The following GABRG1 variants were observed in gnomAD, a reference collection of about 807,000 sequenced individuals.
GABRG1 encodes gamma-aminobutyric acid receptor subunit gamma-1.
Under a neutral mutation model 49.8 loss-of-function variants are expected in GABRG1, and 49 were observed. That is an observed-to-expected ratio of 0.98 (90% CI 0.78 to 1.25). The LOEUF (loss-of-function observed/expected upper bound fraction) is 1.25. Among genes scored for constraint, GABRG1 ranks in the 50% most tolerant of loss-of-function variants. GABRG1 has a pLI of 0.00. For missense variants in GABRG1, 552 were observed against 552.3 expected, an observed-to-expected ratio of 1.00 and a Z score of 0.01; for synonymous variants, 232 against 185.1, an observed-to-expected ratio of 1.25 and a Z score of -2.06.
rs185602206 is a variant in GABRG1 at position 46,092,450 on chromosome 4, A to G, written c.253+4751T>C. Among the ~76,000 whole-genome samples, 4 of 152,178 alleles carry G rather than the reference A, an allele frequency of 2.6e-5. No homozygotes were observed. The East Asian group carries it at 7.8e-4, about 30-fold the overall frequency. On this transcript the variant is annotated intron_variant, in intron 2 of 8. Coordinates refer to ENST00000295452, the MANE Select transcript of GABRG1 (RefSeq NM_173536.4). ...CTAAAATTTATAAATGAATATGTGT[A>G]CAATGCAATGATAGAAGGATAAAAT...
chr4:46,062,677 T>C (rs1381550946), intron 5 of GABRG1, among the ~76,000 whole-genome samples: 1 of 152,044 alleles, frequency 6.6e-6, no homozygotes, highest in Admixed American at 6.6e-5. Flanking sequence ...ATGTCTTCTT[T>C]TGAGAAGTGG....
chr4:46,065,338 A>T (rs1369691985), intron 4 of GABRG1, 26 bp downstream of exon 4: 1 of 1,394,482 alleles, frequency 7.2e-7, no homozygotes, highest in Non-Finnish European at 1.0e-6. Flanking sequence ...AATGAGAGCA[A>T]CTACAGATTT....
At chr4:46,049,344 C>A (rs1397734194) in intron 8 of GABRG1, among the ~76,000 whole-genome samples, 1 of 151,828 alleles carries the variant, frequency 6.6e-6, no homozygotes, top group Non-Finnish European at 1.5e-5. Context: ...GTACACTGAA[C>A]CATGCAAGGA....
At chr4:46,079,484 A>C (rs2109419800) in intron 3 of GABRG1, among the ~76,000 whole-genome samples, 1 of 152,032 alleles carries the variant, frequency 6.6e-6, no homozygotes, top group East Asian at 1.9e-4. Context: ...AAATATTTAA[A>C]TTAAGTTCTG....
At chr4:46,071,255 T>G (rs768525418) in intron 3 of GABRG1, among the ~76,000 whole-genome samples, 1 of 151,904 alleles carries the variant, frequency 6.6e-6, no homozygotes, top group Non-Finnish European at 1.5e-5. Context: ...TACCATACAA[T>G]AATTTCTATC....
At chr4:46,096,528 T>C (rs1720168712) in intron 2 of GABRG1, among the ~76,000 whole-genome samples, 1 of 151,746 alleles carries the variant, frequency 6.6e-6, no homozygotes, top group African/African-American at 2.4e-5. Context: ...TTTATTTCTT[T>C]TCCCTATCAC....
intron 2 of GABRG1, among the ~76,000 whole-genome samples, chr4:46,090,014 T>G (rs1719921857): frequency 6.6e-6 from 1 of 151,974 alleles, no homozygotes; most frequent in Admixed American, 6.6e-5. Context: ...CAATGGAAGC[T>G]TAACTGGATG....
At chr4:46,045,774 C>T (rs2109393571) in intron 8 of GABRG1, among the ~76,000 whole-genome samples, 2 of 152,054 alleles carry the variant, frequency 1.3e-5, no homozygotes, top group African/African-American at 4.8e-5. Flanking sequence ...ACCATGTTGG[C>T]CAGGATGGAC....
intron 2 of GABRG1, among the ~76,000 whole-genome samples, chr4:46,095,316 A>AT (rs1720130738): frequency 6.6e-6 from 1 of 151,828 alleles, no homozygotes; most frequent in Non-Finnish European, 1.5e-5. Context: ...AACCACAACA[A>AT]TGTAACAGAA....
intron 7 of GABRG1, among the ~76,000 whole-genome samples, chr4:46,051,872 T>G (rs1018095606): frequency 6.6e-6 from 1 of 151,830 alleles, no homozygotes; most frequent in Non-Finnish European, 1.5e-5. Flanking sequence ...ACTCCTGATA[T>G]CCATTCTTCC....
intron 3 of GABRG1, among the ~76,000 whole-genome samples, chr4:46,072,629 C>T (rs1364695992): frequency 2.6e-5 from 4 of 152,004 alleles, no homozygotes; most frequent in Admixed American, 1.3e-4. Context: ...TATTAAAAAT[C>T]CATTACCTAT....
In GABRG1 at chr4:46,038,249, G is replaced by A. The variant is rs1056994500; in HGVS notation, c.*2739C>T. ...CTTGGGTTTACAAAAATTAATTTAA[G>A]TGAGCCTAATTTTGTCCATGGAATT... On this transcript the variant is annotated 3_prime_UTR_variant, in exon 9 of 9. Coordinates refer to ENST00000295452, the MANE Select transcript of GABRG1 (RefSeq NM_173536.4). The A allele has an allele frequency of 2.0e-5, 3 of 151,374 alleles. No individual in the cohort carries two copies. The highest frequency in any genetic ancestry group is 7.3e-5 in the African/African-American group (3 of 41,312). The allele number at this position is 151,374 out of a possible 1,614,324, so 9.4% of individuals were successfully genotyped here.
chr4:46,041,031 G>A lies in GABRG1; in HGVS notation c.1355C>T (p.Ala452Val), dbSNP rs1384393076. Residue 452 changes from alanine (A) to valine (V), a missense_variant, in exon 9 of 9, where the codon GCC (alanine) becomes GTC (valine). Coordinates refer to ENST00000295452, the MANE Select transcript of GABRG1 (RefSeq NM_173536.4). ...AACCCAATAAACCAAGTTGAACAGGGCAAAAGCGGTTGGGAAAAATATTCT... is the reference window on the plus strand; with the variant it reads ...AACCCAATAAACCAAGTTGAACAGGACAAAAGCGGTTGGGAAAAATATTCT... ...YSRIFFPTAF[A>V]LFNLVYWVGY... is the part of the protein sequence containing the mutation. The A allele has an allele frequency of 5.6e-6, 9 of 1,612,640 alleles. No individual in the cohort carries two copies. Among genetic ancestry groups the A allele is most frequent in the Non-Finnish European group, 7.6e-6 (9 of 1,179,176 alleles).
intron 2 of GABRG1, among the ~76,000 whole-genome samples, chr4:46,088,084 C>T (rs1226595021): frequency 6.6e-6 from 1 of 152,054 alleles, no homozygotes; most frequent in Non-Finnish European, 1.5e-5. Context: ...AACAACATTT[C>T]TATCATTTCA....
intron 3 of GABRG1, among the ~76,000 whole-genome samples, chr4:46,073,079 A>T (rs914066481): frequency 6.6e-6 from 1 of 151,966 alleles, no homozygotes; most frequent in Admixed American, 6.6e-5. Flanking sequence ...TTATCCAAAA[A>T]CATGCCTACT....
chr4:46,069,553 T>C (rs1363021307), intron 3 of GABRG1, among the ~76,000 whole-genome samples: 1 of 152,116 alleles, frequency 6.6e-6, no homozygotes, highest in Non-Finnish European at 1.5e-5. Flanking sequence ...GTTATGCCAA[T>C]TGCTTAAATC....
chr4:46,053,148 A>T (rs938074719), intron 7 of GABRG1, among the ~76,000 whole-genome samples: 11 of 151,822 alleles, frequency 7.2e-5, no homozygotes, highest in African/African-American at 1.9e-4. Context: ...TCTTTTTTTT[A>T]AATTTCCAAA....
At chr4:46,081,659 A>G (rs1335748838) in intron 3 of GABRG1, among the ~76,000 whole-genome samples, 2 of 151,884 alleles carry the variant, frequency 1.3e-5, no homozygotes, top group Non-Finnish European at 2.9e-5. Context: ...TCAGCAAGAT[A>G]TTTGAGAATT....
intron 8 of GABRG1, among the ~76,000 whole-genome samples, 169 bp downstream of exon 8, chr4:46,051,255 A>T (rs1322802282): frequency 6.6e-6 from 1 of 151,800 alleles, no homozygotes; most frequent in African/African-American, 2.4e-5. Context: ...AAAAACAGAA[A>T]TACACTTTTC....
Sources: allele counts gnomAD v4.1 joint callset (sites outside exome capture counted in the v4.1 genomes callset), GRCh38; gene constraint gnomAD v4.1.1; transcripts MANE v1.5; gene names NCBI Gene and HGNC (gene_info 2026-07-23, HGNC 2026-07-21).